SULF1: variants seen among roughly 807,000 people sequenced by gnomAD.
SULF1 encodes extracellular sulfatase Sulf-1.
Under a neutral mutation model 110.5 loss-of-function variants are expected in SULF1, and 46 were observed. The observed-to-expected ratio is 0.42, with a 90% CI of 0.33 to 0.53. The LOEUF is 0.53. Ranked by LOEUF, SULF1 falls within the 20% of genes least tolerant of loss-of-function variation. The pLI is 0.12. For missense variants in SULF1, 941 were observed against 1,094.2 expected (o/e 0.86, Z 1.98); for synonymous variants, 371 against 387.1 (o/e 0.96, Z 0.49).
intron 3 of SULF1, among the ~76,000 whole-genome samples, chr8:69,546,840 C>T (rs1019650335): frequency 4.6e-5 from 7 of 152,148 alleles, no homozygotes; most frequent in African/African-American, 1.4e-4. Context: ...TCTCATTACT[C>T]GGGAAGTCAT....
intron 8 of SULF1, among the ~76,000 whole-genome samples, chr8:69,596,064 A>G (rs1807297595): frequency 6.6e-6 from 1 of 152,228 alleles, no homozygotes; most frequent in Non-Finnish European, 1.5e-5. Flanking sequence ...AGTACAGTGG[A>G]CTCAAGTATC....
In SULF1 at chr8:69,495,779, T is replaced by C. The variant is rs1265883894; in HGVS notation, c.-376T>C. 6.6e-6 allele frequency: 1 copy of C among 152,220 alleles called. No individual in the cohort carries two copies. 9.4% of individuals were successfully genotyped at this position (152,220 alleles called of 1,614,324 possible). On this transcript the variant is annotated 5_prime_UTR_variant, in exon 2 of 23. Transcript: ENST00000402687. ...TTCCTTAACAGGGATTCTTCACTTCTCTTGAACAAGGAACTCACTCAGAGA... is the reference window on the plus strand; with the variant it reads ...TTCCTTAACAGGGATTCTTCACTTCCCTTGAACAAGGAACTCACTCAGAGA...
At chr8:69,487,069 C>T (rs1809744353) in intron 1 of SULF1, among the ~76,000 whole-genome samples, 1 of 152,162 alleles carries the variant, frequency 6.6e-6, no homozygotes, top group Admixed American at 6.5e-5. Context: ...TTTCCAGATT[C>T]TTCTTCAGTT....
At chr8:69,653,306 G>A (rs547736706) in intron 22 of SULF1, among the ~76,000 whole-genome samples, 3 of 152,280 alleles carry the variant, frequency 2.0e-5, no homozygotes, top group South Asian at 2.1e-4. Context: ...CTGGGCTCAC[G>A]CAATCCTCCC....
At chr8:69,649,716 G>A (rs1420417334) in intron 22 of SULF1, among the ~76,000 whole-genome samples, 1 of 152,072 alleles carries the variant, frequency 6.6e-6, no homozygotes, top group African/African-American at 2.4e-5. Flanking sequence ...GTGGATTTTT[G>A]TCAGGAATAC....
At position 69,594,580 on chromosome 8, in the gene SULF1, G is replaced by A. The variant is rs527850682; in HGVS notation, c.734+5439G>A. 4.6e-5 allele frequency among the ~76,000 whole-genome samples: 7 copies of A among 152,216 alleles called. No individual in the cohort carries two copies. The South Asian group carries it at 6.2e-4, about 14-fold the overall frequency. ...CCCTCTGTGTAAGCCACAGGACAAAGGTTTTGAAACACCTTTGTTATCTAA... is the reference window on the plus strand; with the variant it reads ...CCCTCTGTGTAAGCCACAGGACAAAAGTTTTGAAACACCTTTGTTATCTAA... On this transcript the variant is annotated intron_variant, in intron 8 of 22. Coordinates refer to ENST00000402687, the MANE Select transcript of SULF1 (RefSeq NM_001128205.2).
intron 13 of SULF1, among the ~76,000 whole-genome samples, chr8:69,605,222 T>A (rs1234115434): frequency 1.3e-5 from 2 of 152,170 alleles, no homozygotes; most frequent in African/African-American, 4.8e-5. Flanking sequence ...CCTGTTATAG[T>A]CCCTGTTAAC....
At chr8:69,550,886 T>C (rs558693404) in intron 3 of SULF1, among the ~76,000 whole-genome samples, 3 of 152,268 alleles carry the variant, frequency 2.0e-5, no homozygotes, top group Non-Finnish European at 2.9e-5. Context: ...CAGCTCACTT[T>C]GTGTGGCCGC....
chr8:69,649,057 T>C (rs922970917), intron 22 of SULF1, among the ~76,000 whole-genome samples: 1 of 152,218 alleles, frequency 6.6e-6, no homozygotes, highest in Non-Finnish European at 1.5e-5. Context: ...CTTTTCTCTC[T>C]GAATAAACAG....
chr8:69,593,932 C>T (rs1807092629), intron 8 of SULF1, among the ~76,000 whole-genome samples: 3 of 152,166 alleles, frequency 2.0e-5, no homozygotes, highest in South Asian at 2.1e-4. Context: ...GGACAAAAGC[C>T]GTGACAGGGA....
chr8:69,638,480 G>A, intron 19 of SULF1, 22 bp from the exon 20 acceptor site: 1 of 1,606,530 alleles, frequency 6.2e-7, no homozygotes, highest in Non-Finnish European at 8.5e-7. Flanking sequence ...GTTTTGTTGT[G>A]TTTTTCTTTT....
chr8:69,539,553 G>T (rs1813717598), intron 3 of SULF1, among the ~76,000 whole-genome samples: 1 of 152,174 alleles, frequency 6.6e-6, no homozygotes, highest in African/African-American at 2.4e-5. Flanking sequence ...ACCCATAGAA[G>T]AGAACATTAG....
intron 22 of SULF1, among the ~76,000 whole-genome samples, chr8:69,645,133 C>T (rs1371129641): frequency 6.6e-6 from 1 of 152,080 alleles, no homozygotes; most frequent in African/African-American, 2.4e-5. Context: ...TGTCATGGAG[C>T]GGCCAGTAGG....
intron 3 of SULF1, among the ~76,000 whole-genome samples, chr8:69,534,302 C>T (rs1813293032): frequency 6.6e-6 from 1 of 152,210 alleles, no homozygotes; most frequent in Non-Finnish European, 1.5e-5. Flanking sequence ...TATAATATTA[C>T]ATCTTTATAG....
Position 69,501,898 on chromosome 8 carries a change from C to G in SULF1, c.-204C>G, listed in dbSNP as rs1009889817. ...GGTGCTGACGGCCACCCACCATCAT[C>G]TAAAGAAGATAAACTTGGCAAATGA... On this transcript the variant is annotated 5_prime_UTR_variant, in exon 3 of 23. It adds an upstream start codon to the 5' untranslated region. Coordinates refer to ENST00000402687, the MANE Select transcript of SULF1 (RefSeq NM_001128205.2). 1.1e-4 allele frequency: 16 copies of G among 152,218 alleles called. No homozygotes were observed. Among genetic ancestry groups the G allele is most frequent in the Non-Finnish European group, 2.2e-4 (15 of 68,052 alleles). The allele number at this position is 152,218 out of a possible 1,614,324, so 9.4% of individuals were successfully genotyped here. A position where few individuals can be genotyped will look rare whatever the true frequency, so the allele number is the denominator to read the frequency against.
Position 69,603,179 on chromosome 8 carries a change from T to G in SULF1, c.1062-13T>G. 2 of 1,614,092 alleles carry G rather than the reference T, an allele frequency of 1.2e-6. No individual in the cohort carries two copies. The highest frequency in any genetic ancestry group is 1.7e-6 in the Non-Finnish European group (2 of 1,179,974). On this transcript the variant is annotated splice_polypyrimidine_tract_variant and intron_variant, in intron 10 of 22. Coordinates refer to ENST00000402687, the MANE Select transcript of SULF1 (RefSeq NM_001128205.2). Reference sequence around the variant, plus strand: ...GCATTGGATCTCAGCCATCACCGTGTGCCCCTTTACAGAGTCCCACAGATC... The same window carrying G: ...GCATTGGATCTCAGCCATCACCGTGGGCCCCTTTACAGAGTCCCACAGATC...
chr8:69,517,688 T>C (rs1812026078), intron 3 of SULF1, among the ~76,000 whole-genome samples: 1 of 152,092 alleles, frequency 6.6e-6, no homozygotes, highest in African/African-American at 2.4e-5. Context: ...AATTTTAAGA[T>C]ATGAATAGAA....
At chr8:69,551,293 C>T (rs1405972679) in intron 3 of SULF1, among the ~76,000 whole-genome samples, 1 of 152,194 alleles carries the variant, frequency 6.6e-6, no homozygotes, top group Admixed American at 6.5e-5. Flanking sequence ...ACATAACAAA[C>T]TCCAGCATTG....
intron 3 of SULF1, among the ~76,000 whole-genome samples, chr8:69,505,075 A>C (rs1271149933): frequency 1.3e-5 from 2 of 152,196 alleles, no homozygotes; most frequent in African/African-American, 4.8e-5. Flanking sequence ...CCCAAGAGAA[A>C]GTTCAAGGAG....
Sources: allele counts gnomAD v4.1 joint callset (sites outside exome capture counted in the v4.1 genomes callset), GRCh38; gene constraint gnomAD v4.1.1; transcripts MANE v1.5; gene names NCBI Gene and HGNC (gene_info 2026-07-23, HGNC 2026-07-21).